PTPRN2: variants seen among roughly 807,000 people sequenced by gnomAD.
PTPRN2 encodes the protein receptor-type tyrosine-protein phosphatase N2.
PTPRN2 carries 74 observed loss-of-function variants against 118.8 expected under a neutral mutation model. The ratio of observed to expected loss-of-function variants is 0.62; its 90% CI spans 0.52 to 0.76. PTPRN2 has a LOEUF of 0.76. PTPRN2 is among the 30% of genes least tolerant of loss of function. The pLI, the probability that PTPRN2 is intolerant of heterozygous loss-of-function variation, is 0.00. For synonymous variants in PTPRN2, 641 were observed against 608.0 expected (o/e 1.05, Z -0.80); for missense variants, 1,481 against 1,394.4 (o/e 1.06, Z -0.99).
At chr7:158,372,862 C>G (rs192683991) in intron 2 of PTPRN2, among the ~76,000 whole-genome samples, 32 of 152,342 alleles carry the variant, frequency 2.1e-4, no homozygotes, top group African/African-American at 7.5e-4. Flanking sequence ...GCAGAGTTCT[C>G]CAGGCTGTGA....
rs1284670655 is a variant in PTPRN2 at position 157,591,723 on chromosome 7, C to A, written c.2496+3515G>T. On this transcript the variant is annotated intron_variant, in intron 17 of 22. Coordinates refer to ENST00000389418, the MANE Select transcript of PTPRN2 (RefSeq NM_002847.5). This position sits in a 1 kb window ranked among gnomAD's most constrained non-coding sequence, Gnocchi z 4.4. ...CCTGAGAGATGCTGACATTCTAAAACACACGGTTTAGAGGCCTCCCAGGCA... is the reference window on the plus strand; with the variant it reads ...CCTGAGAGATGCTGACATTCTAAAAAACACGGTTTAGAGGCCTCCCAGGCA... 6.6e-6 allele frequency among the ~76,000 whole-genome samples: 1 copy of A among 152,226 alleles called. No homozygotes were observed. Among genetic ancestry groups the A allele is most frequent in the African/African-American group, 2.4e-5 (1 of 41,454 alleles).
chr7:157,679,715 C>T lies in PTPRN2; in HGVS notation c.2001+3010G>A, dbSNP rs201618407. 4.8e-3 allele frequency among the ~76,000 whole-genome samples: 735 copies of T among 151,794 alleles called. 15 individuals carry two copies. Among genetic ancestry groups the T allele is most frequent in the East Asian group, 0.04 (207 of 5,122 alleles). Reference sequence around the variant, plus strand: ...TGACTCACACACACAGGGGTCGGGGCTGGGGGGTTCTGTACAAGCACTAAT... The same window carrying T: ...TGACTCACACACACAGGGGTCGGGGTTGGGGGGTTCTGTACAAGCACTAAT... On this transcript the variant is annotated intron_variant, in intron 13 of 22. Transcript: ENST00000389418.
chr7:158,578,952 G>A (rs572049315), intron 1 of PTPRN2, among the ~76,000 whole-genome samples: 41 of 152,160 alleles, frequency 2.7e-4, no homozygotes, highest in African/African-American at 9.4e-4. Flanking sequence ...TAGTAGAGAC[G>A]GGGTTTCACC....
rs764966883 is a variant in PTPRN2, at chr7:158,587,550, C to T, written c.112+8G>A. 24 of 1,276,660 alleles carry T rather than the reference C, an allele frequency of 1.9e-5. No individual in the cohort carries two copies. The highest frequency in any genetic ancestry group is 2.3e-5 in the Non-Finnish European group (23 of 1,013,922). 79.1% of individuals were successfully genotyped at this position (1,276,660 alleles called of 1,614,324 possible). On this transcript the variant is annotated splice_region_variant and intron_variant, in intron 1 of 22. Coordinates refer to ENST00000389418, the MANE Select transcript of PTPRN2 (RefSeq NM_002847.5). ...TGAGGCGCCCCTCCCCCGGCGCCCCCCACTCACCCAGACGCCCCGGGAGCT... is the reference window on the plus strand; with the variant it reads ...TGAGGCGCCCCTCCCCCGGCGCCCCTCACTCACCCAGACGCCCCGGGAGCT...
In PTPRN2 at chr7:158,022,365, AC is replaced by A. The variant is rs1189949188; in HGVS notation, c.1723+58932del. On this transcript the variant is annotated intron_variant, in intron 11 of 22. Transcript: ENST00000389418. This position sits in a 1 kb window ranked among gnomAD's most constrained non-coding sequence, Gnocchi z 4.6. Reference sequence around the variant, plus strand: ...TCCTTTAATGAGGGCCCAAGGAAGCACCCCCACTCTCCAGTTCCATGATTTC... The same window carrying A: ...TCCTTTAATGAGGGCCCAAGGAAGCACCCCACTCTCCAGTTCCATGATTTC... 6.6e-6 allele frequency among the ~76,000 whole-genome samples: 1 copy of A among 151,862 alleles called. No homozygotes were observed. The highest frequency in any genetic ancestry group is 2.4e-5 in the African/African-American group (1 of 41,318).
At chr7:158,095,494 T>G (rs1814560026) in intron 10 of PTPRN2, among the ~76,000 whole-genome samples, 1 of 152,080 alleles carries the variant, frequency 6.6e-6, no homozygotes, top group Non-Finnish European at 1.5e-5. Flanking sequence ...TCGTCTCTAC[T>G]CCATGGAGGA....
rs867080650 is a variant in PTPRN2, at chr7:158,341,461, C to T, written c.164-24529G>A. Among the ~76,000 whole-genome samples the T allele has an allele frequency of 7.9e-3, 1,143 of 144,592 alleles. 38 individuals are homozygous for T. The highest frequency in any genetic ancestry group is 0.029 in the African/African-American group (1,053 of 36,428). The allele number at this position is 144,592 out of a possible 152,430, so 94.9% of individuals were successfully genotyped here. ...CACCATAAGAGGTAACACCTTCAGA[C>T]GTCATTCACACCCACACTCTCACCA... On this transcript the variant is annotated intron_variant, in intron 2 of 22. Coordinates refer to ENST00000389418, the MANE Select transcript of PTPRN2 (RefSeq NM_002847.5).
At chr7:158,266,969 A>G (rs1806669) in intron 3 of PTPRN2, among the ~76,000 whole-genome samples, 53,220 of 151,888 alleles carry the variant, frequency 0.35, 9,601 homozygotes, top group African/African-American at 0.44. Context: ...TCCCACGTCT[A>G]CATCCAAGAT....
At position 157,772,847 on chromosome 7, in the gene PTPRN2, T is replaced by A. The variant is rs564986872; in HGVS notation, c.1789-89910A>T. ...TGCGCCCCAGCTCCTTTGTGCGAGGTCCCATGTGCTGCTAGGCCACGGGTG... is the reference window on the plus strand; with the variant it reads ...TGCGCCCCAGCTCCTTTGTGCGAGGACCCATGTGCTGCTAGGCCACGGGTG... On this transcript the variant is annotated intron_variant, in intron 12 of 22. Transcript: ENST00000389418. Among the ~76,000 whole-genome samples, 15 of 152,334 alleles carry A rather than the reference T, an allele frequency of 9.8e-5. No homozygotes were observed. In the East Asian group the frequency reaches 2.9e-3, roughly 29 times the overall value.
At chr7:158,398,877 T>G (rs1812729788) in intron 2 of PTPRN2, among the ~76,000 whole-genome samples, 1 of 152,248 alleles carries the variant, frequency 6.6e-6, no homozygotes, top group Non-Finnish European at 1.5e-5. Flanking sequence ...ACATTACAAT[T>G]TTCATCAGAT....
In PTPRN2 at chr7:158,167,095, T is replaced by C; in HGVS notation, c.746A>G (p.Tyr249Cys). 4 of 1,612,162 alleles carry C rather than the reference T, an allele frequency of 2.5e-6. No homozygotes were observed. Among genetic ancestry groups the C allele is most frequent in the Non-Finnish European group, 2.5e-6 (3 of 1,179,076 alleles). Residue 249 changes from tyrosine (Y) to cysteine (C), a missense_variant, in exon 6 of 23, where the codon TAT becomes TGT. By Grantham distance (194) the Tyr-to-Cys change is radical. Coordinates refer to ENST00000389418, the MANE Select transcript of PTPRN2 (RefSeq NM_002847.5). ...RHHLMAALSA[Y>C]AAQRPPAPPG... ...GGGAGCTGGGGGCCTCTGGGCAGCATAGGCACTGAGGGCCGCCATCAGATG... is the reference window on the plus strand; with the variant it reads ...GGGAGCTGGGGGCCTCTGGGCAGCACAGGCACTGAGGGCCGCCATCAGATG...
intron 3 of PTPRN2, among the ~76,000 whole-genome samples, chr7:158,274,732 G>A (rs1246948060): frequency 8.5e-5 from 13 of 152,152 alleles, no homozygotes; most frequent in South Asian, 6.2e-4. Context: ...GGTACCCTAC[G>A]GGGGGAGTCA....
chr7:158,059,476 A>G (rs1271651947), intron 11 of PTPRN2, among the ~76,000 whole-genome samples: 5 of 110,372 alleles, frequency 4.5e-5, no homozygotes, highest in Non-Finnish European at 5.2e-5. Context: ...ACACAGTGAC[A>G]CATCACTGCA....
At chr7:157,692,434 G>A (rs989356069) in intron 12 of PTPRN2, among the ~76,000 whole-genome samples, 1 of 152,228 alleles carries the variant, frequency 6.6e-6, no homozygotes, top group African/African-American at 2.4e-5. Context: ...TGTAAAACCT[G>A]GGGGCGAGCC....
intron 12 of PTPRN2, among the ~76,000 whole-genome samples, chr7:157,771,221 C>T (rs1225327279): frequency 6.6e-6 from 1 of 152,254 alleles, no homozygotes; most frequent in Non-Finnish European, 1.5e-5. Context: ...GGGGCGAGCC[C>T]TCCAGCCCCC....
chr7:157,897,787 T>G (rs1797216490), intron 12 of PTPRN2, among the ~76,000 whole-genome samples: 1 of 152,262 alleles, frequency 6.6e-6, no homozygotes, highest in African/African-American at 2.4e-5. Flanking sequence ...TGTCTTTAAG[T>G]GGCTCCGCAG....
intron 6 of PTPRN2, among the ~76,000 whole-genome samples, chr7:158,147,592 C>G (rs1401382005): frequency 0.088 from 7,867 of 89,502 alleles, no homozygotes; most frequent in Middle Eastern, 0.19. Flanking sequence ...ACGTGTCTTT[C>G]CCCCTCAATG....
chr7:158,175,446 GTC>G (rs966475997), intron 5 of PTPRN2, among the ~76,000 whole-genome samples: 3 of 152,106 alleles, frequency 2.0e-5, no homozygotes, highest in African/African-American at 4.8e-5. Context: ...TATTTTCTCT[GTC>G]TCTCTCTGTG....
At chr7:158,229,094 C>G (rs542625063) in intron 3 of PTPRN2, among the ~76,000 whole-genome samples, 1 of 152,014 alleles carries the variant, frequency 6.6e-6, no homozygotes, top group Admixed American at 6.6e-5. Flanking sequence ...CCATTCAGTA[C>G]AGGCAGCACT....
Sources: allele counts gnomAD v4.1 joint callset (sites outside exome capture counted in the v4.1 genomes callset), GRCh38; gene constraint gnomAD v4.1.1; non-coding constraint Gnocchi (gnomAD v3.1); transcripts MANE v1.5; gene names NCBI Gene and HGNC (gene_info 2026-07-23, HGNC 2026-07-21).